The following ACSBG1 variants were observed in gnomAD, a reference collection of about 807,000 sequenced individuals.
The protein encoded by ACSBG1 is acyl-CoA synthetase bubblegum family member 1.
Under a neutral mutation model 80.2 loss-of-function variants are expected in ACSBG1, and 39 were observed. That is an observed-to-expected ratio of 0.49 (90% CI 0.38 to 0.64). The LOEUF is 0.64. Ranked by LOEUF, ACSBG1 falls within the 30% of genes least tolerant of loss-of-function variation. The pLI is 0.00. For synonymous variants in ACSBG1, 392 were observed against 379.5 expected (o/e 1.03, Z -0.38); for missense variants, 828 against 966.4 (o/e 0.86, Z 1.90).
intron 1 of ACSBG1, among the ~76,000 whole-genome samples, chr15:78,229,221 G>A (rs528490312): frequency 1.3e-5 from 2 of 152,132 alleles, no homozygotes; most frequent in South Asian, 4.1e-4. Context: ...AGTGCTTAGC[G>A]CAATGCCTGA....
At chr15:78,229,142 T>C (rs1016825209) in intron 1 of ACSBG1, among the ~76,000 whole-genome samples, 6 of 152,328 alleles carry the variant, frequency 3.9e-5, no homozygotes, top group Admixed American at 1.3e-4. Flanking sequence ...TATTTGTTAA[T>C]GTCTGTCTCC....
chr15:78,177,859 A>AG lies in ACSBG1; in HGVS notation c.1702+754dup, dbSNP rs1454405398. ...GGCATGACACCAACTTGGGTGAAGCAGGCAGAACATTCTTCCACAGAGGCA... is the reference window on the plus strand; with the variant it reads ...GGCATGACACCAACTTGGGTGAAGCAGGGCAGAACATTCTTCCACAGAGGCA... On this transcript the variant is annotated intron_variant, in intron 11 of 13. Transcript: ENST00000258873. This position sits in a 1 kb window ranked among gnomAD's most constrained non-coding sequence, Gnocchi z 4.1. Among the ~76,000 whole-genome samples the AG allele has an allele frequency of 6.6e-6, 1 of 152,222 alleles. No homozygotes were observed. Among genetic ancestry groups the AG allele is most frequent in the African/African-American group, 2.4e-5 (1 of 41,460 alleles).
In ACSBG1 at chr15:78,170,059, C is replaced by T. The variant is rs2074800809; in HGVS notation, c.*1385G>A. On this transcript the variant is annotated 3_prime_UTR_variant, in exon 14 of 14. Coordinates refer to ENST00000258873, the MANE Select transcript of ACSBG1 (RefSeq NM_015162.5). ...AGCAGTACCAGTATAAGATGACATT[C>T]CAAAGACTGGAGGCAACTCAGCCTG... is the stretch of plus-strand genomic sequence containing the variant. 6.6e-6 allele frequency: 1 copy of T among 152,226 alleles called. No individual in the cohort carries two copies. Among genetic ancestry groups the T allele is most frequent in the Non-Finnish European group, 1.5e-5 (1 of 68,042 alleles). 9.4% of individuals were successfully genotyped at this position (152,226 alleles called of 1,614,324 possible).
intron 1 of ACSBG1, among the ~76,000 whole-genome samples, chr15:78,210,478 C>G (rs961204863): frequency 6.6e-6 from 1 of 152,224 alleles, no homozygotes; most frequent in Non-Finnish European, 1.5e-5. Context: ...TAACCAGTAA[C>G]AGGCTTTCCT....
chr15:78,215,754 G>GAAAGAAAGAAAGAA (rs2075305172), intron 1 of ACSBG1, among the ~76,000 whole-genome samples: 1 of 148,306 alleles, frequency 6.7e-6, no homozygotes, highest in African/African-American at 2.5e-5. Flanking sequence ...AAGAAAGAAA[G>GAAAGAAAGAAAGAA]AAAGAAAGAA....
Position 78,188,426 on chromosome 15 carries a change from A to C in ACSBG1, c.663+5080T>G, listed in dbSNP as rs1273464836. Among the ~76,000 whole-genome samples, 438 of 151,832 alleles carry C rather than the reference A, an allele frequency of 2.9e-3. 1 individual carries two copies. The highest frequency in any genetic ancestry group is 9.9e-3 in the African/African-American group (409 of 41,472). On this transcript the variant is annotated intron_variant, in intron 5 of 13. Transcript: ENST00000258873. ...ATCACACTACCTGACTTCAAACTAC[A>C]CTACAAGGCTACAGTAACCAAAACA...
chr15:78,177,578 C>T lies in ACSBG1; in HGVS notation c.1702+1036G>A, dbSNP rs548458322. 6.6e-6 allele frequency among the ~76,000 whole-genome samples: 1 copy of T among 152,276 alleles called. No homozygotes were observed. The highest frequency in any genetic ancestry group is 1.9e-4 in the East Asian group (1 of 5,172). The stretch of plus-strand genomic sequence containing the variant: ...ACACTAGGCGGCGCCCATGGCACAT[C>T]CAAGCAGTCACCTGTTGCTCCCGGG... On this transcript the variant is annotated intron_variant, in intron 11 of 13. Transcript: ENST00000258873. This position sits in a 1 kb window ranked among gnomAD's most constrained non-coding sequence, Gnocchi z 4.1.
chr15:78,207,145 C>T (rs542282421), intron 2 of ACSBG1, among the ~76,000 whole-genome samples: 5 of 152,222 alleles, frequency 3.3e-5, no homozygotes, highest in Admixed American at 1.3e-4. Flanking sequence ...CAAGCTGTCC[C>T]TGTTCCTGGC....
chr15:78,234,252 TC>T (rs886477806), intron 1 of ACSBG1, 118 bp downstream of exon 1: 174 of 1,394,076 alleles, frequency 1.2e-4, no homozygotes, highest in Non-Finnish European at 1.4e-4. Context: ...TCCCTTCATT[TC>T]CCAGGTGAAG....
At chr15:78,211,917 C>T (rs1235502519) in intron 1 of ACSBG1, among the ~76,000 whole-genome samples, 3 of 152,130 alleles carry the variant, frequency 2.0e-5, no homozygotes, top group Non-Finnish European at 2.9e-5. Context: ...CAGCTGGGGC[C>T]GCTTCTGATT....
At chr15:78,230,252 T>TCCTGGC (rs2075435707) in intron 1 of ACSBG1, among the ~76,000 whole-genome samples, 1 of 152,196 alleles carries the variant, frequency 6.6e-6, no homozygotes, top group African/African-American at 2.4e-5. Flanking sequence ...GTTTTGCCTC[T>TCCTGGC]CCTGGCCCTG....
At position 78,180,739 on chromosome 15, in the gene ACSBG1, C is replaced by T. The variant is rs374008679; in HGVS notation, c.1253+16G>A. On this transcript the variant is annotated intron_variant, in intron 9 of 13. Transcript: ENST00000258873. ...CCACTCTCTCCCCAGGCCTCCCGCC[C>T]GTGGGCCCTCTGTACCTGCCGGGGC... The T allele has an allele frequency of 1.3e-5, 21 of 1,610,460 alleles. No individual in the cohort carries two copies. The highest frequency in any genetic ancestry group is 2.2e-5 in the South Asian group (2 of 90,788).
At position 78,181,950 on chromosome 15, in the gene ACSBG1, A is replaced by G. The variant is rs766822785; in HGVS notation, c.1071+19T>C. 1 of 1,610,086 alleles carries G rather than the reference A, an allele frequency of 6.2e-7. No individual in the cohort carries two copies. Among genetic ancestry groups the G allele is most frequent in the Non-Finnish European group, 8.5e-7 (1 of 1,177,536 alleles). The stretch of plus-strand genomic sequence containing the variant: ...CTGGCACACGGGCTCAGACGGACAC[A>G]CGGTAAAGGCAGACTGACCTTCAGG... On this transcript the variant is annotated intron_variant, in intron 8 of 13. Transcript: ENST00000258873.
At chr15:78,186,470 T>C (rs2141337835) in intron 5 of ACSBG1, among the ~76,000 whole-genome samples, 1 of 152,274 alleles carries the variant, frequency 6.6e-6, no homozygotes, top group East Asian at 1.9e-4. Flanking sequence ...TTATAGAAAC[T>C]GTCTCTCAGA....
chr15:78,207,358 G>A (rs1044685445), intron 2 of ACSBG1, among the ~76,000 whole-genome samples: 2 of 152,180 alleles, frequency 1.3e-5, no homozygotes, highest in African/African-American at 4.8e-5. Flanking sequence ...GTGACCCTCT[G>A]TGCTGGGTAT....
intron 5 of ACSBG1, among the ~76,000 whole-genome samples, chr15:78,183,552 G>A (rs2074970706): frequency 6.6e-6 from 1 of 152,322 alleles, no homozygotes; most frequent in East Asian, 1.9e-4. Flanking sequence ...ACTCCAGAGA[G>A]AGACTCTGTC....
chr15:78,181,207 T>G, intron 8 of ACSBG1: 1 of 432,542 alleles, frequency 2.3e-6, no homozygotes, highest in East Asian at 3.5e-5. Flanking sequence ...GAGTCTAACT[T>G]AGACACAAGA....
At chr15:78,233,996 C>A (rs911093451) in intron 1 of ACSBG1, among the ~76,000 whole-genome samples, 12 of 152,214 alleles carry the variant, frequency 7.9e-5, no homozygotes, top group African/African-American at 2.9e-4. Context: ...GGAGCGGGAA[C>A]CTCTGGGTCC....
At chr15:78,218,470 C>A (rs1168697929) in intron 1 of ACSBG1, among the ~76,000 whole-genome samples, 1 of 152,126 alleles carries the variant, frequency 6.6e-6, no homozygotes, top group Non-Finnish European at 1.5e-5. Flanking sequence ...ATGTGGCAGG[C>A]AAAGGGGTCA....
Sources: gnomAD v4.1 joint callset for allele counts (sites outside exome capture counted in the v4.1 genomes callset) on GRCh38, gnomAD v4.1.1 for gene constraint, Gnocchi (gnomAD v3.1) non-coding constraint, MANE v1.5 for transcripts, NCBI Gene and HGNC (gene_info 2026-07-23, HGNC 2026-07-21) for gene names.